The following STK39 variants were observed in gnomAD, a reference collection of about 807,000 sequenced individuals.
STK39 encodes STE20/SPS1-related proline-alanine-rich protein kinase.
A neutral mutation model predicts 77.8 loss-of-function variants in STK39; 20 were observed. That is an observed-to-expected ratio of 0.26 (90% confidence interval 0.18 to 0.37). The LOEUF (loss-of-function observed/expected upper bound fraction) is 0.37. Among genes scored for constraint, STK39 ranks in the 10% least tolerant of loss-of-function variants. The pLI is 1.00. For missense variants in STK39, 479 were observed against 656.5 expected (o/e 0.73, Z 2.95); for synonymous variants, 246 against 234.1 (o/e 1.05, Z -0.47).
intron 16 of STK39, among the ~76,000 whole-genome samples, chr2:167,976,430 A>G (rs1683277746): frequency 6.6e-6 from 1 of 152,206 alleles, no homozygotes; most frequent in Non-Finnish European, 1.5e-5. Flanking sequence ...AGTTTAAATG[A>G]TAACAGGCCT....
At chr2:168,226,195 G>A (rs529033660) in intron 1 of STK39, among the ~76,000 whole-genome samples, 8 of 152,156 alleles carry the variant, frequency 5.3e-5, no homozygotes, top group Non-Finnish European at 8.8e-5. Flanking sequence ...AAGGTTAGAG[G>A]ATCCAGAATA....
At chr2:168,031,489 C>T (rs1459701087) in intron 14 of STK39, among the ~76,000 whole-genome samples, 1 of 152,126 alleles carries the variant, frequency 6.6e-6, no homozygotes, top group Non-Finnish European at 1.5e-5. Context: ...GGGCTGAACA[C>T]ACAGTTCAGA....
At chr2:168,038,846 T>A (rs1584433) in intron 14 of STK39, among the ~76,000 whole-genome samples, 74,277 of 151,940 alleles carry the variant, frequency 0.49, 19,218 homozygotes, top group Non-Finnish European at 0.56. Context: ...TATAATAAGA[T>A]ACCACTACAC....
At chr2:168,039,359 G>A (rs1194067896) in intron 14 of STK39, among the ~76,000 whole-genome samples, 1 of 19,172 alleles carries the variant, frequency 5.2e-5, no homozygotes, top group Non-Finnish European at 2.1e-4. Context: ...TTGGGAGGCC[G>A]AGGCGGGTGG....
chr2:168,140,094 G>A (rs1687942282), intron 7 of STK39, among the ~76,000 whole-genome samples, 195 bp downstream of exon 7: 2 of 152,156 alleles, frequency 1.3e-5, no homozygotes, highest in Non-Finnish European at 2.9e-5. Flanking sequence ...TATAAAGCAA[G>A]CTTCAAAGCT....
intron 5 of STK39, among the ~76,000 whole-genome samples, chr2:168,148,479 C>T (rs554365275): frequency 2.0e-5 from 3 of 152,196 alleles, no homozygotes; most frequent in Non-Finnish European, 4.4e-5. Context: ...GGACGTTGCG[C>T]TTCTGGGCAC....
chr2:168,082,930 C>T (rs1219350895), intron 10 of STK39, among the ~76,000 whole-genome samples: 1 of 152,266 alleles, frequency 6.6e-6, no homozygotes, highest in Non-Finnish European at 1.5e-5. Flanking sequence ...ACCCCCACTG[C>T]CATCATGTTC....
chr2:168,172,524 T>C (rs995251695), intron 2 of STK39, among the ~76,000 whole-genome samples: 2 of 152,218 alleles, frequency 1.3e-5, no homozygotes, highest in African/African-American at 2.4e-5. Context: ...TCTAAATAGA[T>C]ACTTATGCAA....
In STK39 at chr2:167,955,530, T is replaced by C. The variant is rs776910728; in HGVS notation, c.1604A>G (p.Lys535Arg). 1.9e-6 allele frequency: 3 copies of C among 1,613,926 alleles called. No homozygotes were observed. Among genetic ancestry groups the C allele is most frequent in the Non-Finnish European group, 2.5e-6 (3 of 1,179,940 alleles). Residue 535 changes from lysine to arginine, a missense_variant, in exon 18 of 18, where the codon AAG becomes AGG. Transcript: ENST00000355999. ...CDGSEIPDEV[K>R]LIGFAQLSVS Reference sequence around the variant, plus strand: ...ACTCAACTGAGCAAACCCAATCAGCTTCACTTCATCAGGAATCTCCGACCC... The same window carrying C: ...ACTCAACTGAGCAAACCCAATCAGCCTCACTTCATCAGGAATCTCCGACCC...
intron 17 of STK39, among the ~76,000 whole-genome samples, chr2:167,957,252 AT>A (rs770043985): frequency 4.3e-4 from 66 of 152,214 alleles, no homozygotes; most frequent in Non-Finnish European, 6.9e-4. Flanking sequence ...AAAGAAAGGA[AT>A]TTACTTTGTA....
intron 14 of STK39, among the ~76,000 whole-genome samples, chr2:168,033,267 T>G (rs896041616): frequency 6.6e-6 from 1 of 151,778 alleles, no homozygotes; most frequent in African/African-American, 2.4e-5. Context: ...AAAAAAGAGT[T>G]TCTGGGCTGA....
chr2:167,977,664 T>C (rs1489561993), intron 16 of STK39, among the ~76,000 whole-genome samples: 4 of 152,038 alleles, frequency 2.6e-5, no homozygotes, highest in East Asian at 3.9e-4. Flanking sequence ...AAGGATTCTA[T>C]AGGTGTCTTA....
chr2:168,219,034 T>A (rs574109210), intron 1 of STK39, among the ~76,000 whole-genome samples: 1 of 152,294 alleles, frequency 6.6e-6, no homozygotes, highest in East Asian at 1.9e-4. Context: ...ATCATATGAA[T>A]CAAGAATTTG....
chr2:167,991,090 T>C (rs537410818), intron 16 of STK39, among the ~76,000 whole-genome samples: 3 of 152,332 alleles, frequency 2.0e-5, no homozygotes, highest in African/African-American at 7.2e-5. Flanking sequence ...ACGGGAATGT[T>C]TGGCAGATAC....
intron 10 of STK39, among the ~76,000 whole-genome samples, chr2:168,109,696 T>C (rs1217528110): frequency 6.6e-6 from 1 of 152,208 alleles, no homozygotes; most frequent in African/African-American, 2.4e-5. Flanking sequence ...TTATAAGAGA[T>C]GTGACAAGTC....
rs530927708 is a variant in STK39, at chr2:167,966,636, T to C, written c.1499-1910A>G. 3.3e-5 allele frequency among the ~76,000 whole-genome samples: 5 copies of C among 152,236 alleles called. No homozygotes were observed. The South Asian group carries it at 8.3e-4, about 25-fold the overall frequency. ...GTACACGTATATATACAAGGGCCAA[T>C]TTCCAGGGAATGTGTCAAGCAACTT... On this transcript the variant is annotated intron_variant, in intron 16 of 17. Coordinates refer to ENST00000355999, the MANE Select transcript of STK39 (RefSeq NM_013233.3).
chr2:168,065,447 A>G, intron 12 of STK39, 66 bp from the exon 13 acceptor site: 1 of 1,503,146 alleles, frequency 6.7e-7, no homozygotes, highest in Non-Finnish European at 9.3e-7. Flanking sequence ...GTGTGGTTAC[A>G]TTAAGTCCCA....
intron 16 of STK39, among the ~76,000 whole-genome samples, chr2:168,004,177 G>A (rs908400645): frequency 3.9e-5 from 6 of 152,204 alleles, no homozygotes; most frequent in African/African-American, 1.4e-4. Context: ...TGCCTCCTGA[G>A]CAGCAATGTT....
At chr2:168,129,421 T>A (rs1265916963) in intron 10 of STK39, 120 bp downstream of exon 10, 1 of 1,067,398 alleles carries the variant, frequency 9.4e-7, no homozygotes. Flanking sequence ...TAATCACTAA[T>A]GAGATATAGC....
Sources: allele counts gnomAD v4.1 joint callset (sites outside exome capture counted in the v4.1 genomes callset), GRCh38; gene constraint gnomAD v4.1.1; transcripts MANE v1.5; gene names NCBI Gene and HGNC (gene_info 2026-07-23, HGNC 2026-07-21).